PTS: variants seen among roughly 807,000 people sequenced by gnomAD.
PTS encodes the protein 6-pyruvoyl tetrahydrobiopterin synthase.
In PTS, 23 loss-of-function variants were observed where a neutral mutation model predicts 20.6. The observed-to-expected ratio is 1.12, with a 90% confidence interval of 0.80 to 1.58. The LOEUF is 1.58. Among genes scored for constraint, PTS ranks in the 40% most tolerant of loss-of-function variants. PTS has a pLI of 0.00. For missense variants in PTS, 186 were observed against 182.4 expected (o/e 1.02, Z -0.11); for synonymous variants, 65 against 62.5 (o/e 1.04, Z -0.19).
intron 1 of PTS, among the ~76,000 whole-genome samples, chr11:112,227,795 C>G: frequency 6.6e-6 from 1 of 152,132 alleles, no homozygotes; most frequent in East Asian, 1.9e-4. Context: ...CCACTAGGCC[C>G]CATCTCCAAC....
At chr11:112,226,695 T>C (rs1045512574) in intron 1 of PTS, among the ~76,000 whole-genome samples, 169 bp downstream of exon 1, 3 of 151,714 alleles carry the variant, frequency 2.0e-5, no homozygotes, top group Non-Finnish European at 2.9e-5. Flanking sequence ...TCCAGCATCC[T>C]GATGGGGGCT....
Position 112,233,170 on chromosome 11 carries a change from T to C in PTS, c.251T>C (p.Ile84Thr), listed in dbSNP as rs764431860. Residue 84 changes from isoleucine (I) to threonine (T), a missense_variant, in exon 5 of 6, where the codon ATT becomes ACT. Physicochemically the swap from Ile to Thr is moderately conservative, Grantham distance 89. Transcript: ENST00000280362. ...CCTTGGTTTTGTCTCTAGGAGGCGA[T>C]TATGCAGCCCCTTGATCATAAGAAT... ...ADLKKYMEEAIMQPLDHKNLD... is the reference protein window; with the variant it reads ...ADLKKYMEEATMQPLDHKNLD... 1 of 1,613,924 alleles carries C rather than the reference T, an allele frequency of 6.2e-7. No individual in the cohort carries two copies.
chr11:112,230,548 G>C (rs542012521), intron 3 of PTS, 78 bp from the exon 4 acceptor site: 2 of 1,266,220 alleles, frequency 1.6e-6, no homozygotes, highest in Admixed American at 3.4e-5. Context: ...TCTGCACATT[G>C]TACTGCCTTT....
chr11:112,230,478 C>A, intron 3 of PTS, 148 bp from the exon 4 acceptor site: 1 of 825,724 alleles, frequency 1.2e-6, no homozygotes, highest in Non-Finnish European at 2.1e-6. Flanking sequence ...ATGGTGCTTC[C>A]ATGCTGAGGT....
chr11:112,233,035 A>G (rs1342836143), intron 4 of PTS, 128 bp from the exon 5 acceptor site: 1 of 954,754 alleles, frequency 1.0e-6, no homozygotes, highest in Non-Finnish European at 1.7e-6. Context: ...GTAAGACTCA[A>G]ATCTAGTACT....
chr11:112,231,968 AAAAGAAAAG>A (rs199531934), intron 4 of PTS, among the ~76,000 whole-genome samples: 4,181 of 151,902 alleles, frequency 0.028, 189 homozygotes, highest in African/African-American at 0.095. Flanking sequence ...AAGAGAAAAG[AAAAGAAAAG>A]AAAGAAAAGA....
In PTS at chr11:112,233,531, T is replaced by C; in HGVS notation, c.414T>C (p.Asn138=). 6.2e-7 allele frequency: 1 copy of C among 1,613,696 alleles called. No individual in the cohort carries two copies. Reference sequence around the variant, plus strand: ...TAAAAGTATACGAAACTGACAATAATATTGTGGTTTATAAAGGAGAATAGC... The same window carrying C: ...TAAAAGTATACGAAACTGACAATAACATTGTGGTTTATAAAGGAGAATAGC... The part of the protein sequence containing the change: ...YKVKVYETDN[N]IVVYKGE Residue 138 remains asparagine (N), a synonymous_variant, in exon 6 of 6, where the codon AAT becomes AAC. Coordinates refer to ENST00000280362, the MANE Select transcript of PTS (RefSeq NM_000317.3).
In PTS at chr11:112,231,019, T is replaced by TC. The variant is rs1350408407; in HGVS notation, c.243+337_243+338insC. 3.4e-5 allele frequency among the ~76,000 whole-genome samples: 5 copies of TC among 145,234 alleles called. No homozygotes were observed. The South Asian group carries it at 8.6e-4, about 25-fold the overall frequency. ...TTCTCCTTGAGACTTACTGTCTTTC[T>TC]TTTTTTTTTTTTTTTTAAATAGGCA... On this transcript the variant is annotated intron_variant, in intron 4 of 5. Transcript: ENST00000280362.
At chr11:112,228,135 G>T (rs1859888908) in intron 1 of PTS, 1 of 173,406 alleles carries the variant, frequency 5.8e-6, no homozygotes. Context: ...GACTTACCAG[G>T]TCATGTAATT....
chr11:112,226,666 C>A (rs1265800059), intron 1 of PTS, 140 bp downstream of exon 1: 7 of 533,070 alleles, frequency 1.3e-5, no homozygotes, highest in Non-Finnish European at 2.0e-5. Context: ...TGGTCGGCTT[C>A]GTGGGGCTTC....
At chr11:112,230,103 ATAATT>A (rs1859910531) in intron 2 of PTS, 100 bp from the exon 3 acceptor site, 3 of 1,098,648 alleles carry the variant, frequency 2.7e-6, no homozygotes, top group African/African-American at 1.5e-5. Flanking sequence ...GACAGATCTA[ATAATT>A]TATGTTGCCA....
At chr11:112,229,402 GT>G (rs975982829) in intron 2 of PTS, 35 of 143,742 alleles carry the variant, frequency 2.4e-4, no homozygotes, top group African/African-American at 3.5e-4. Flanking sequence ...TGTTGTTGTT[GT>G]TTTTTTTTTT....
Position 112,230,574 on chromosome 11 carries a change from G to A in PTS, c.187-52G>A, listed in dbSNP as rs116660982. On this transcript the variant is annotated intron_variant, in intron 3 of 5. Transcript: ENST00000280362. Reference sequence around the variant, plus strand: ...TACTGCCTTTAATAATTTGCCAGCCGTTTAATATGGAGAGCCTATCACAGT... The same window carrying A: ...TACTGCCTTTAATAATTTGCCAGCCATTTAATATGGAGAGCCTATCACAGT... 1,882 of 1,483,838 alleles carry A rather than the reference G, an allele frequency of 1.3e-3. 15 individuals are homozygous for A. The African/African-American group carries it at 0.022, about 17-fold the overall frequency. The allele number at this position is 1,483,838 out of a possible 1,614,324, so 91.9% of individuals were successfully genotyped here.
At chr11:112,231,010 C>T (rs553135964) in intron 4 of PTS, among the ~76,000 whole-genome samples, 4 of 150,896 alleles carry the variant, frequency 2.7e-5, no homozygotes, top group Admixed American at 2.0e-4. Flanking sequence ...TTGAGACTTA[C>T]TGTCTTTCTT....
intron 3 of PTS, 63 bp downstream of exon 3, chr11:112,230,293 G>T: frequency 6.4e-7 from 1 of 1,550,548 alleles, no homozygotes; most frequent in East Asian, 2.2e-5. Flanking sequence ...AGCCAGTGTG[G>T]TGGATTCTGT....
intron 4 of PTS, among the ~76,000 whole-genome samples, chr11:112,232,064 T>C (rs1360722999): frequency 6.6e-6 from 1 of 152,178 alleles, no homozygotes; most frequent in East Asian, 1.9e-4. Context: ...TTTTCTGCTT[T>C]TGTATGCCTG....
chr11:112,230,406 CT>C, intron 3 of PTS, 176 bp downstream of exon 3: 1 of 861,086 alleles, frequency 1.2e-6, no homozygotes, highest in Non-Finnish European at 2.0e-6. Flanking sequence ...AAAGTGTTGT[CT>C]TTAATATGCT....
intron 4 of PTS, among the ~76,000 whole-genome samples, chr11:112,231,114 A>G (rs758922998): frequency 6.6e-6 from 1 of 150,994 alleles, no homozygotes; most frequent in East Asian, 1.9e-4. Flanking sequence ...CTGGTCTCAG[A>G]CACCTCCTGC....
chr11:112,226,973 A>G (rs1032852016), intron 1 of PTS, among the ~76,000 whole-genome samples: 11 of 150,052 alleles, frequency 7.3e-5, no homozygotes, highest in African/African-American at 2.7e-4. Context: ...ATTGGCCACC[A>G]TATCTAATGT....
Sources: allele counts gnomAD v4.1 joint callset (sites outside exome capture counted in the v4.1 genomes callset), GRCh38; gene constraint gnomAD v4.1.1; transcripts MANE v1.5; gene names NCBI Gene and HGNC (gene_info 2026-07-23, HGNC 2026-07-21).